Variants in TBC1D19 observed in about 807,000 individuals in gnomAD.
The protein encoded by TBC1D19 is TBC1 domain family member 19.
In TBC1D19, 60 loss-of-function variants were observed where a neutral mutation model predicts 89.0. That is an observed-to-expected ratio of 0.67 (90% CI 0.55 to 0.84). The LOEUF (loss-of-function observed/expected upper bound fraction) is 0.84, where lower values mean the gene tolerates loss of function less well. Ranked by LOEUF, TBC1D19 falls within the 40% of genes least tolerant of loss-of-function variation. The pLI, the probability that TBC1D19 is intolerant of heterozygous loss-of-function variation, is 0.00. For missense variants in TBC1D19, 500 were observed against 610.8 expected (o/e 0.82, Z 1.91); for synonymous variants, 189 against 199.7 (o/e 0.95, Z 0.45).
At chr4:26,693,687 C>A (rs35943553) in intron 13 of TBC1D19, among the ~76,000 whole-genome samples, 2 of 149,862 alleles carry the variant, frequency 1.3e-5, no homozygotes, top group Non-Finnish European at 3.0e-5. Flanking sequence ...AGGTGAGACC[C>A]GGTCTAAAAA....
chr4:26,777,335 ATATTGG>A, the TBC1D19 span, among the ~76,000 whole-genome samples: 1 of 152,052 alleles, frequency 6.6e-6, no homozygotes, highest in South Asian at 2.1e-4. Flanking sequence ...GGGTTTCATC[ATATTGG>A]TCAGGTTGGT....
chr4:26,783,122 A>G, the TBC1D19 span, among the ~76,000 whole-genome samples: 1 of 152,224 alleles, frequency 6.6e-6, no homozygotes, highest in African/African-American at 2.4e-5. Flanking sequence ...TTCCATCTGT[A>G]ATAAAGAATG....
At chr4:26,721,757 A>G (rs1211730300) in intron 15 of TBC1D19, among the ~76,000 whole-genome samples, 1 of 151,952 alleles carries the variant, frequency 6.6e-6, no homozygotes, top group Non-Finnish European at 1.5e-5. Context: ...ACTATTTCCC[A>G]TCTCATTTTT....
the TBC1D19 span, among the ~76,000 whole-genome samples, chr4:26,775,627 C>T: frequency 1.3e-5 from 2 of 152,130 alleles, no homozygotes; most frequent in South Asian, 4.1e-4. Context: ...AAGGTCCTCT[C>T]CAAATGCCAA....
the TBC1D19 span, among the ~76,000 whole-genome samples, chr4:26,790,219 T>G: frequency 2.9e-4 from 44 of 152,158 alleles, no homozygotes; most frequent in African/African-American, 1.0e-3. Flanking sequence ...TACTCTCTCT[T>G]ATTCTATCTG....
intron 7 of TBC1D19, among the ~76,000 whole-genome samples, chr4:26,656,364 ATT>A (rs1329453329): frequency 6.6e-6 from 1 of 152,074 alleles, no homozygotes; most frequent in Non-Finnish European, 1.5e-5. Context: ...TGAATTAACC[ATT>A]CTTTATTTAA....
chr4:26,700,013 A>G, intron 13 of TBC1D19, among the ~76,000 whole-genome samples: 1 of 152,166 alleles, frequency 6.6e-6, no homozygotes, highest in Non-Finnish European at 1.5e-5. Context: ...AAAGTATAAT[A>G]ATAATAAAAA....
At chr4:26,804,441 G>A in the TBC1D19 span, among the ~76,000 whole-genome samples, 1 of 152,198 alleles carries the variant, frequency 6.6e-6, no homozygotes, top group Non-Finnish European at 1.5e-5. Flanking sequence ...CCACACGTGC[G>A]CTGCCCTGTC....
chr4:26,603,013 AT>A (rs1431690452), intron 1 of TBC1D19, among the ~76,000 whole-genome samples: 1 of 152,180 alleles, frequency 6.6e-6, no homozygotes, highest in Non-Finnish European at 1.5e-5. Context: ...TAAATCAAAC[AT>A]TTGGAAGAGT....
chr4:26,663,616 T>C (rs540319004), intron 8 of TBC1D19, among the ~76,000 whole-genome samples: 69 of 152,326 alleles, frequency 4.5e-4, no homozygotes, highest in Non-Finnish European at 7.9e-4. Context: ...TTCTTAGCTA[T>C]TGGAGAACCA....
At chr4:26,627,459 C>T (rs956084448) in intron 4 of TBC1D19, among the ~76,000 whole-genome samples, 37 of 152,112 alleles carry the variant, frequency 2.4e-4, no homozygotes, top group African/African-American at 7.7e-4. Flanking sequence ...CCTGAGGAAT[C>T]GCCACACTGA....
chr4:26,851,350 T>TATC, the TBC1D19 span, among the ~76,000 whole-genome samples: 1 of 151,044 alleles, frequency 6.6e-6, no homozygotes, highest in African/African-American at 2.4e-5. Context: ...TCTATCTATC[T>TATC]ATCTATCTAT....
At position 26,620,655 on chromosome 4, in the gene TBC1D19, TA is replaced by T; in HGVS notation, c.264del (p.Glu89AsnfsTer6). 6.2e-7 allele frequency: 1 copy of T among 1,613,760 alleles called. No individual in the cohort carries two copies. The highest frequency in any genetic ancestry group is 8.5e-7 in the Non-Finnish European group (1 of 1,179,856). On this transcript the variant is annotated frameshift_variant, in exon 4 of 21. Transcript: ENST00000264866. LOFTEE classifies it high-confidence loss of function. Reference sequence around the variant, plus strand: ...ATCCTGCTGCACCTCCTGAACATCTTAAAGAACCTTTGGTATACATGAGGAA... The same window carrying T: ...ATCCTGCTGCACCTCCTGAACATCTTAAGAACCTTTGGTATACATGAGGAA... ...SHPAAPPEHLKEPLVYMRKAQ... is the reference protein window; with the variant it reads ...SHPAAPPEHLXEPLVYMRKAQ...
chr4:26,618,983 G>A (rs891266870), intron 3 of TBC1D19, among the ~76,000 whole-genome samples: 1 of 152,042 alleles, frequency 6.6e-6, no homozygotes, highest in Non-Finnish European at 1.5e-5. Flanking sequence ...GCTCCATGAG[G>A]GCAGGTATTT....
the TBC1D19 span, among the ~76,000 whole-genome samples, chr4:26,806,746 T>C: frequency 6.6e-6 from 1 of 152,192 alleles, no homozygotes; most frequent in African/African-American, 2.4e-5. Context: ...CTAAAACCAA[T>C]GACTGGTGTC....
chr4:26,682,313 T>C lies in TBC1D19; in HGVS notation c.817-1362T>C, dbSNP rs74321539. ...TTTAGTTAAAAAATGAAAACATCAA[T>C]AAGGACCAATTAAGGCTTTTTAATT... On this transcript the variant is annotated intron_variant, in intron 11 of 20. Coordinates refer to ENST00000264866, the MANE Select transcript of TBC1D19 (RefSeq NM_018317.4). Among the ~76,000 whole-genome samples the C allele has an allele frequency of 3.9e-3, 595 of 152,290 alleles. 7 individuals carry two copies. The highest frequency in any genetic ancestry group is 0.013 in the African/African-American group (556 of 41,564).
intron 13 of TBC1D19, among the ~76,000 whole-genome samples, chr4:26,716,135 A>G (rs1453621462): frequency 1.3e-5 from 2 of 152,078 alleles, no homozygotes; most frequent in Admixed American, 6.6e-5. Flanking sequence ...TATTTGTTAC[A>G]CACATTCTGC....
intron 13 of TBC1D19, among the ~76,000 whole-genome samples, chr4:26,714,875 C>T (rs1716483690): frequency 6.6e-6 from 1 of 152,056 alleles, no homozygotes; most frequent in Non-Finnish European, 1.5e-5. Context: ...GCAGCACTCA[C>T]AGAGCATCAT....
Position 26,717,919 on chromosome 4 carries a change from A to G in TBC1D19, c.955-14A>G. 1 of 1,600,896 alleles carries G rather than the reference A, an allele frequency of 6.2e-7. No homozygotes were observed. The highest frequency in any genetic ancestry group is 8.5e-7 in the Non-Finnish European group (1 of 1,170,724). The stretch of plus-strand genomic sequence containing the variant: ...AGTGCTTAATTGCTATTTTTTTTCC[A>G]ATGTTATATTCAGGTATTACTTTGT... On this transcript the variant is annotated splice_polypyrimidine_tract_variant and intron_variant, in intron 13 of 20. Coordinates refer to ENST00000264866, the MANE Select transcript of TBC1D19 (RefSeq NM_018317.4).
Sources: gnomAD v4.1 joint callset for allele counts (sites outside exome capture counted in the v4.1 genomes callset) on GRCh38, gnomAD v4.1.1 for gene constraint, MANE v1.5 for transcripts, NCBI Gene and HGNC (gene_info 2026-07-23, HGNC 2026-07-21) for gene names.